Variants in CACNA1B observed in about 807,000 individuals in gnomAD.
CACNA1B encodes calcium voltage-gated channel subunit alpha1 B, also known as voltage-dependent N-type calcium channel subunit alpha-1B.
CACNA1B carries 70 observed loss-of-function variants against 247.2 expected under a neutral mutation model. That is an observed-to-expected ratio of 0.28 (90% confidence interval 0.23 to 0.35). CACNA1B has a LOEUF of 0.35. Among genes scored for constraint, CACNA1B ranks in the 10% least tolerant of loss-of-function variants. The pLI, the probability that CACNA1B is intolerant of heterozygous loss-of-function variation, is 1.00. For synonymous variants in CACNA1B, 1,231 were observed against 1,294.4 expected (o/e 0.95, Z 1.05); for missense variants, 2,367 against 3,197.4 (o/e 0.74, Z 6.26).
intron 3 of CACNA1B, among the ~76,000 whole-genome samples, chr9:137,911,652 C>G (rs758061070): frequency 6.6e-6 from 1 of 152,194 alleles, no homozygotes; most frequent in Non-Finnish European, 1.5e-5. Flanking sequence ...CTCCTGACCT[C>G]AGGGGATCCA....
At chr9:138,105,900 G>A in intron 39 of CACNA1B, 93 bp downstream of exon 39, 2 of 730,508 alleles carry the variant, frequency 2.7e-6, no homozygotes, top group Admixed American at 2.1e-5. Flanking sequence ...CAGGGAGGAG[G>A]GTGAGGGGCC....
At chr9:137,953,057 G>A (rs1957897461) in intron 7 of CACNA1B, among the ~76,000 whole-genome samples, 1 of 152,224 alleles carries the variant, frequency 6.6e-6, no homozygotes, top group Admixed American at 6.5e-5. Flanking sequence ...GGTGGAGAAA[G>A]AGTCCTCTCT....
At position 138,073,707 on chromosome 9, in the gene CACNA1B, A is replaced by G. The variant is rs1247571702; in HGVS notation, c.4791+103A>G. On this transcript the variant is annotated intron_variant, in intron 33 of 46. Transcript: ENST00000371372. This position sits in a 1 kb window ranked among gnomAD's most constrained non-coding sequence, Gnocchi z 6.4. The stretch of plus-strand genomic sequence containing the variant: ...CTCCTTTGGGAGGCTGGGAGAGGGT[A>G]TGGCATGCAGGTTTCGTGGTTGTAT... 21 of 746,814 alleles carry G rather than the reference A, an allele frequency of 2.8e-5. No homozygotes were observed. Among genetic ancestry groups the G allele is most frequent in the Non-Finnish European group, 4.8e-5 (20 of 418,922 alleles). The allele number at this position is 746,814 out of a possible 1,614,324, so 46.3% of individuals were successfully genotyped here. A position where few individuals can be genotyped will look rare whatever the true frequency, so the allele number is the denominator to read the frequency against.
chr9:138,015,566 C>T (rs145370629), intron 18 of CACNA1B, among the ~76,000 whole-genome samples: 3 of 146,900 alleles, frequency 2.0e-5, no homozygotes, highest in African/African-American at 5.5e-5. Flanking sequence ...GTACCCTTCA[C>T]CCTTCTGCCC....
intron 42 of CACNA1B, among the ~76,000 whole-genome samples, chr9:138,116,838 C>T (rs536189984): frequency 2.4e-4 from 37 of 152,188 alleles, no homozygotes; most frequent in South Asian, 1.0e-3. Flanking sequence ...CCACTGCGGC[C>T]GCTCTGTGCC....
chr9:138,096,946 G>A (rs1961076207), intron 37 of CACNA1B, among the ~76,000 whole-genome samples: 1 of 151,446 alleles, frequency 6.6e-6, no homozygotes, highest in Non-Finnish European at 1.5e-5. Context: ...GAAATTTACT[G>A]TCTTCTTTCA....
At chr9:138,109,962 G>A (rs1391161482) in intron 39 of CACNA1B, among the ~76,000 whole-genome samples, 1 of 152,108 alleles carries the variant, frequency 6.6e-6, no homozygotes, top group Non-Finnish European at 1.5e-5. Context: ...GCTGAGGCAG[G>A]AAAATTGCTT....
chr9:137,914,416 C>T lies in CACNA1B; in HGVS notation c.623-238C>T, dbSNP rs957242007. Among the ~76,000 whole-genome samples the T allele has an allele frequency of 6.6e-6, 1 of 151,994 alleles. No individual in the cohort carries two copies. Among genetic ancestry groups the T allele is most frequent in the Admixed American group, 6.6e-5 (1 of 15,266 alleles). On this transcript the variant is annotated intron_variant, in intron 4 of 46. Coordinates refer to ENST00000371372, the MANE Select transcript of CACNA1B (RefSeq NM_000718.4). This position sits in a 1 kb window ranked among gnomAD's most constrained non-coding sequence, Gnocchi z 4.3. ...TGCCTACTTTGAGACACTTCTCAGT[C>T]GACTTCTCTCTAGGACCTTATGCTT...
At chr9:138,117,224 C>T (rs1436376239) in intron 42 of CACNA1B, among the ~76,000 whole-genome samples, 1 of 152,124 alleles carries the variant, frequency 6.6e-6, no homozygotes, top group East Asian at 1.9e-4. Context: ...TGTGGGGTGG[C>T]CTCCGCCAGA....
At chr9:137,979,846 ATTCAG>A (rs1400649345) in intron 12 of CACNA1B, among the ~76,000 whole-genome samples, 2 of 152,232 alleles carry the variant, frequency 1.3e-5, no homozygotes, top group African/African-American at 2.4e-5. Flanking sequence ...TACACTCAAC[ATTCAG>A]TGTGCAGTGG....
Position 138,013,234 on chromosome 9 carries a change from G to A in CACNA1B, c.2266G>A (p.Ala756Thr), listed in dbSNP as rs200762767. The A allele has an allele frequency of 5.6e-5, 89 of 1,587,032 alleles. No homozygotes were observed. The highest frequency in any genetic ancestry group is 6.8e-5 in the Non-Finnish European group (79 of 1,167,088). The change falls in exon 18 of 47, where the codon GCC becomes ACC. Residue 756 changes from alanine (A) to threonine (T), a missense_variant and splice_region_variant. Ala to Thr is a moderately conservative substitution (Grantham distance 58, BLOSUM62 0). This residue lies in a region of CACNA1B where 631 missense variants were observed against 631.1 expected (regional missense o/e 1.00). Coordinates refer to ENST00000371372, the MANE Select transcript of CACNA1B (RefSeq NM_000718.4). Reference sequence around the variant, plus strand: ...GTCTGCCGCGAACATCTCCATCGCCGCGTAAGGCTCCTAGGAGTGGATTGT... The same window carrying A: ...GTCTGCCGCGAACATCTCCATCGCCACGTAAGGCTCCTAGGAGTGGATTGT... ...PMSAANISIA[A>T]RQQNSAKARS... is the part of the protein sequence containing the mutation.
chr9:137,982,930 A>C (rs1384748628), intron 12 of CACNA1B, among the ~76,000 whole-genome samples: 1 of 152,238 alleles, frequency 6.6e-6, no homozygotes, highest in Non-Finnish European at 1.5e-5. Flanking sequence ...AGAAATGTGC[A>C]GCAGATGACT....
intron 3 of CACNA1B, among the ~76,000 whole-genome samples, chr9:137,907,925 C>T (rs914017916): frequency 6.6e-6 from 1 of 152,262 alleles, no homozygotes; most frequent in Admixed American, 6.5e-5. Context: ...CATCATTTGG[C>T]GGCTGCTCCA....
At position 138,058,750 on chromosome 9, in the gene CACNA1B, G is replaced by A. The variant is rs80100052; in HGVS notation, c.4473+17G>A. 2.9e-3 allele frequency: 4,581 copies of A among 1,587,382 alleles called. 10 individuals carry two copies. Among genetic ancestry groups the A allele is most frequent in the Non-Finnish European group, 3.5e-3 (4,067 of 1,166,154 alleles). On this transcript the variant is annotated intron_variant, in intron 29 of 46. Transcript: ENST00000371372. The surrounding 1 kb of genome is among the most constrained non-coding windows in gnomAD (Gnocchi z 4.7). ...ATGATGAAGGTGTGTGGGGCTCAGC[G>A]CAGAGGGGCAGCTGGCGCTGCTAGG... is the stretch of plus-strand genomic sequence containing the variant.
At chr9:138,034,151 C>T (rs1388489402) in intron 20 of CACNA1B, among the ~76,000 whole-genome samples, 1 of 152,162 alleles carries the variant, frequency 6.6e-6, no homozygotes, top group South Asian at 2.1e-4. Context: ...GGAGATAGAC[C>T]TTATCACCTC....
intron 42 of CACNA1B, among the ~76,000 whole-genome samples, chr9:138,116,620 C>G (rs1484768380): frequency 1.3e-5 from 2 of 152,234 alleles, no homozygotes; most frequent in African/African-American, 4.8e-5. Flanking sequence ...TCTGTTATTT[C>G]TGTGATGGTA....
rs1476641269 is a variant in CACNA1B at position 137,919,871 on chromosome 9, G to A, written c.966+2440G>A. Among the ~76,000 whole-genome samples, 1 of 152,212 alleles carries A rather than the reference G, an allele frequency of 6.6e-6. No homozygotes were observed. On this transcript the variant is annotated intron_variant, in intron 6 of 46. Transcript: ENST00000371372. The surrounding 1 kb of genome is among the most constrained non-coding windows in gnomAD (Gnocchi z 4.6). ...GCGTGGGGGCACTCCAGCTTGAGGA[G>A]AAATGGCTTTGTCTGTGCCTGGAAA...
rs563931785 is a variant in CACNA1B, at chr9:137,888,592, A to T, written c.530+5709A>T. 6.6e-6 allele frequency among the ~76,000 whole-genome samples: 1 copy of T among 152,256 alleles called. No homozygotes were observed. Among genetic ancestry groups the T allele is most frequent in the Non-Finnish European group, 1.5e-5 (1 of 68,006 alleles). ...CAACCACGGCTTCTTGTTTTAGTCT[A>T]AATTAAACTGGGATTTCTTTCCAGG... On this transcript the variant is annotated intron_variant, in intron 3 of 46. Coordinates refer to ENST00000371372, the MANE Select transcript of CACNA1B (RefSeq NM_000718.4). The surrounding 1 kb of genome is among the most constrained non-coding windows in gnomAD (Gnocchi z 4.7).
At chr9:137,953,838 G>T (rs1957910723) in intron 7 of CACNA1B, among the ~76,000 whole-genome samples, 1 of 152,106 alleles carries the variant, frequency 6.6e-6, no homozygotes, top group Admixed American at 6.5e-5. Flanking sequence ...TCAGGGGGCT[G>T]GCAGCCACCA....
Sources: gnomAD v4.1 joint callset for allele counts (sites outside exome capture counted in the v4.1 genomes callset) on GRCh38, gnomAD v4.1.1 for gene constraint, gnomAD v4.1.1 regional missense constraint, Gnocchi (gnomAD v3.1) non-coding constraint, MANE v1.5 for transcripts, NCBI Gene and HGNC (gene_info 2026-07-23, HGNC 2026-07-21) for gene names.